The following TRIO variants were observed in gnomAD, a reference collection of about 807,000 sequenced individuals.
TRIO encodes triple functional domain protein.
In TRIO, 58 loss-of-function variants were observed where a neutral mutation model predicts 351.9. That is an observed-to-expected ratio of 0.16 (90% CI 0.13 to 0.21). TRIO has a LOEUF of 0.21. Ranked by LOEUF, TRIO falls within the 10% of genes least tolerant of loss-of-function variation. The pLI is 1.00. For synonymous variants in TRIO, 1,758 were observed against 1,595.7 expected, an observed-to-expected ratio of 1.10 and a Z score of -2.42; for missense variants, 3,201 against 4,027.8, an observed-to-expected ratio of 0.79 and a Z score of 5.56.
chr5:14,399,425 T>C, intron 30 of TRIO: 1 of 325,602 alleles, frequency 3.1e-6, no homozygotes, highest in East Asian at 4.9e-5. Context: ...ATAATTAATT[T>C]TTCAACCATA....
chr5:14,170,752 G>A (rs1452705198), intron 1 of TRIO, among the ~76,000 whole-genome samples: 3 of 152,052 alleles, frequency 2.0e-5, no homozygotes, highest in Admixed American at 6.6e-5. Flanking sequence ...TGATCCTCTC[G>A]CCTTCGCTTC....
intron 10 of TRIO, among the ~76,000 whole-genome samples, chr5:14,335,525 A>G (rs1407408841): frequency 6.6e-6 from 1 of 152,164 alleles, no homozygotes; most frequent in African/African-American, 2.4e-5. Flanking sequence ...GGGCTCTCGC[A>G]TGCCTTCCTG....
intron 1 of TRIO, among the ~76,000 whole-genome samples, chr5:14,202,973 T>A (rs1407817447): frequency 6.6e-6 from 1 of 152,174 alleles, no homozygotes; most frequent in Non-Finnish European, 1.5e-5. Flanking sequence ...ATTTTTAAGA[T>A]CCACTCAGTC....
chr5:14,297,305 A>G (rs369114156), intron 7 of TRIO, 42 bp downstream of exon 7: 1 of 1,581,926 alleles, frequency 6.3e-7, no homozygotes, highest in Non-Finnish European at 8.6e-7. Context: ...GGTAACCAGA[A>G]TAGTTCTTCC....
At chr5:14,206,921 G>A (rs1791494566) in intron 1 of TRIO, among the ~76,000 whole-genome samples, 1 of 152,056 alleles carries the variant, frequency 6.6e-6, no homozygotes, top group African/African-American at 2.4e-5. Context: ...GCGTCATTTT[G>A]CAATGCAGTT....
intron 31 of TRIO, among the ~76,000 whole-genome samples, chr5:14,403,267 G>A (rs1259003985): frequency 2.3e-4 from 33 of 144,628 alleles, no homozygotes; most frequent in African/African-American, 4.4e-4. Flanking sequence ...TGGTGAGGGT[G>A]CAGGTTGTGG....
At chr5:14,403,827 AGGT>A (rs1290927742) in intron 31 of TRIO, among the ~76,000 whole-genome samples, 1 of 23,052 alleles carries the variant, frequency 4.3e-5, no homozygotes, top group South Asian at 1.4e-3. Flanking sequence ...GTGAGGGTGC[AGGT>A]GGTGGTGAGG....
At chr5:14,405,570 C>G (rs1349898027) in intron 31 of TRIO, among the ~76,000 whole-genome samples, 2 of 152,140 alleles carry the variant, frequency 1.3e-5, no homozygotes, top group Non-Finnish European at 2.9e-5. Flanking sequence ...TTGCCCAGGG[C>G]TGCTTAAAAG....
At chr5:14,401,656 G>C (rs1748078073) in intron 31 of TRIO, among the ~76,000 whole-genome samples, 1 of 152,180 alleles carries the variant, frequency 6.6e-6, no homozygotes. Context: ...AAAATATCTT[G>C]GAATATTTGA....
chr5:14,460,309 A>G (rs188041465), intron 34 of TRIO, among the ~76,000 whole-genome samples: 301 of 152,310 alleles, frequency 2.0e-3, no homozygotes, highest in Middle Eastern at 6.8e-3. Context: ...GACTGTGAGC[A>G]AAGTCCCGGT....
chr5:14,209,547 A>G (rs190302029), intron 1 of TRIO, among the ~76,000 whole-genome samples: 120 of 152,250 alleles, frequency 7.9e-4, no homozygotes, highest in Admixed American at 2.8e-3. Flanking sequence ...CCATGCTTGT[A>G]TCGTACTGGG....
rs900017262 is a variant in TRIO, at chr5:14,285,468, G to A, written c.348-1403G>A. Among the ~76,000 whole-genome samples, 8 of 151,940 alleles carry A rather than the reference G, an allele frequency of 5.3e-5. No individual in the cohort carries two copies. In the East Asian group the frequency reaches 7.8e-4, roughly 15 times the overall value. ...CATATGTACTTTGCATTTGTAAAAC[G>A]TGGGAAGCTAGTTAGTCTGATAGTC... On this transcript the variant is annotated intron_variant, in intron 3 of 56. Coordinates refer to ENST00000344204, the MANE Select transcript of TRIO (RefSeq NM_007118.4).
intron 1 of TRIO, among the ~76,000 whole-genome samples, chr5:14,243,650 C>T (rs1350343402): frequency 2.0e-5 from 3 of 152,036 alleles, no homozygotes; most frequent in Admixed American, 2.0e-4. Flanking sequence ...AGTTTTTCCC[C>T]AGCATTTGTT....
intron 1 of TRIO, among the ~76,000 whole-genome samples, chr5:14,251,100 A>C (rs1415699284): frequency 2.0e-5 from 3 of 152,140 alleles, no homozygotes; most frequent in Admixed American, 2.0e-4. Flanking sequence ...CTGAGGCTTG[A>C]TGAGGCCAGG....
intron 1 of TRIO, among the ~76,000 whole-genome samples, chr5:14,223,575 A>G (rs556440659): frequency 6.6e-6 from 1 of 152,322 alleles, no homozygotes; most frequent in Non-Finnish European, 1.5e-5. Context: ...GTAAAGAAAC[A>G]GAGAAGGATT....
At chr5:14,484,061 C>T (rs1426715549) in intron 46 of TRIO, among the ~76,000 whole-genome samples, 1 of 151,734 alleles carries the variant, frequency 6.6e-6, no homozygotes, top group Non-Finnish European at 1.5e-5. Flanking sequence ...TGCACCTATC[C>T]CCTGAGAACT....
intron 1 of TRIO, among the ~76,000 whole-genome samples, chr5:14,204,470 C>G (rs527513586): frequency 1.3e-5 from 2 of 152,190 alleles, no homozygotes; most frequent in Admixed American, 6.5e-5. Context: ...AAGGTCCTGG[C>G]ACCCATGGTT....
intron 1 of TRIO, among the ~76,000 whole-genome samples, chr5:14,247,010 C>T (rs1377059327): frequency 6.6e-6 from 1 of 152,220 alleles, no homozygotes; most frequent in Non-Finnish European, 1.5e-5. Flanking sequence ...CTGTCCACAC[C>T]AGCAATGTGT....
intron 46 of TRIO, 67 bp downstream of exon 46, chr5:14,482,840 C>T: frequency 7.4e-7 from 1 of 1,346,034 alleles, no homozygotes; most frequent in South Asian, 1.8e-5. Flanking sequence ...TACACTGTTT[C>T]CTTTTAATGA....
Sources: gnomAD v4.1 joint callset for allele counts (sites outside exome capture counted in the v4.1 genomes callset) on GRCh38, gnomAD v4.1.1 for gene constraint, MANE v1.5 for transcripts, NCBI Gene and HGNC (gene_info 2026-07-23, HGNC 2026-07-21) for gene names.